Variants in MARCHF4 observed in about 807,000 individuals in gnomAD.
MARCHF4 encodes E3 ubiquitin-protein ligase MARCHF4.
A neutral mutation model predicts 43.9 loss-of-function variants in MARCHF4; 14 were observed. That is an observed-to-expected ratio of 0.32 (90% CI 0.21 to 0.50). MARCHF4 has a LOEUF of 0.50. MARCHF4 is among the 20% of genes least tolerant of loss of function. The probability of loss-of-function intolerance (pLI) is 0.98; values close to 1 mark genes in which losing one functional copy is unlikely to be tolerated. For synonymous variants in MARCHF4, 226 were observed against 213.3 expected, an observed-to-expected ratio of 1.06 and a Z score of -0.52; for missense variants, 468 against 536.7, an observed-to-expected ratio of 0.87 and a Z score of 1.27.
chr2:216,343,826 G>A (rs1018718612), intron 1 of MARCHF4, among the ~76,000 whole-genome samples: 3 of 152,300 alleles, frequency 2.0e-5, no homozygotes, highest in Middle Eastern at 3.4e-3. Context: ...ACTGAAGTCG[G>A]GGGACTTTGT....
intron 3 of MARCHF4, chr2:216,265,706 T>C (rs1690835520): frequency 6.6e-6 from 1 of 152,206 alleles, no homozygotes; most frequent in Admixed American, 6.5e-5. Context: ...TGTTGCAGAC[T>C]GATCTCAACT....
intron 3 of MARCHF4, among the ~76,000 whole-genome samples, chr2:216,272,374 G>A (rs370048708): frequency 4.6e-5 from 7 of 152,110 alleles, no homozygotes; most frequent in African/African-American, 1.4e-4. Flanking sequence ...CCTGAATATA[G>A]GACAGGAGCA....
chr2:216,318,089 A>T (rs1035888411), intron 1 of MARCHF4: 5 of 152,234 alleles, frequency 3.3e-5, no homozygotes, highest in African/African-American at 1.2e-4. Flanking sequence ...AGGAAGCTCG[A>T]TTCAAGTCAC....
intron 1 of MARCHF4, among the ~76,000 whole-genome samples, chr2:216,318,339 C>T (rs964619712): frequency 8.5e-5 from 13 of 152,184 alleles, no homozygotes; most frequent in African/African-American, 2.4e-4. Flanking sequence ...CTGTAGGGGA[C>T]GGGGATGTAG....
intron 1 of MARCHF4, among the ~76,000 whole-genome samples, chr2:216,343,969 T>G (rs996098151): frequency 6.6e-6 from 1 of 152,052 alleles, no homozygotes; most frequent in African/African-American, 2.4e-5. Context: ...CTAGTGAGAA[T>G]TGATCCAGTA....
intron 1 of MARCHF4, among the ~76,000 whole-genome samples, chr2:216,289,489 G>A (rs1691274202): frequency 6.6e-6 from 1 of 152,168 alleles, no homozygotes; most frequent in African/African-American, 2.4e-5. Context: ...TGGTTGAGGA[G>A]AAATTGTTTC....
chr2:216,309,460 G>A (rs918449721), intron 1 of MARCHF4, among the ~76,000 whole-genome samples: 3 of 152,094 alleles, frequency 2.0e-5, no homozygotes, highest in Non-Finnish European at 4.4e-5. Context: ...CGTGGTCCAC[G>A]TGAAGCTAAA....
intron 1 of MARCHF4, among the ~76,000 whole-genome samples, chr2:216,326,639 T>C (rs1222895986): frequency 6.6e-6 from 1 of 152,094 alleles, no homozygotes; most frequent in Non-Finnish European, 1.5e-5. Context: ...CCGTAAAAAA[T>C]GATGAGTTCA....
chr2:216,368,029 G>A (rs1345249957), intron 1 of MARCHF4, among the ~76,000 whole-genome samples: 1 of 152,282 alleles, frequency 6.6e-6, no homozygotes, highest in Non-Finnish European at 1.5e-5. Flanking sequence ...AGTTCACACA[G>A]TGGGGGAAAT....
rs146942464 is a variant in MARCHF4, at chr2:216,283,598, G to A, written c.648C>T (p.Ala216=). 29 of 1,608,616 alleles carry A rather than the reference G, an allele frequency of 1.8e-5. No individual in the cohort carries two copies. The African/African-American group carries it at 3.7e-4, about 21-fold the overall frequency. Residue 216 remains alanine, a synonymous_variant, in exon 2 of 4, where the codon GCC becomes GCT. Transcript: ENST00000273067. ...ELCYYKYHVI[A]ISTKNPLQWQ... ...CCTGCAGAGGATTTTTTGTGCTTAT[G>A]GCGATGACGTGGTACTTGTAGTAGC...
intron 1 of MARCHF4, among the ~76,000 whole-genome samples, chr2:216,324,299 G>T (rs1230171660): frequency 6.8e-6 from 1 of 146,574 alleles, no homozygotes; most frequent in Non-Finnish European, 1.5e-5. Context: ...CCAATAACAG[G>T]AGCTGAAATT....
chr2:216,363,466 G>A (rs1019599306), intron 1 of MARCHF4, among the ~76,000 whole-genome samples: 1 of 152,228 alleles, frequency 6.6e-6, no homozygotes, highest in African/African-American at 2.4e-5. Context: ...ACCTGTGAAA[G>A]AGCCTGTAAC....
chr2:216,290,187 G>A (rs191156286), intron 1 of MARCHF4, among the ~76,000 whole-genome samples: 23 of 152,300 alleles, frequency 1.5e-4, no homozygotes, highest in East Asian at 1.2e-3. Context: ...GAATAGAAAG[G>A]AGGGGGTGAG....
rs367620111 is a variant in MARCHF4, at chr2:216,306,631, AG to A, written c.517-22903del. Among the ~76,000 whole-genome samples the A allele has an allele frequency of 9.7e-3, 1,484 of 152,302 alleles. 18 individuals carry two copies. Among genetic ancestry groups the A allele is most frequent in the African/African-American group, 0.034 (1,415 of 41,552 alleles). On this transcript the variant is annotated intron_variant, in intron 1 of 3. Coordinates refer to ENST00000273067, the MANE Select transcript of MARCHF4 (RefSeq NM_020814.3). ...GAAGGTGTCCTGCCATATTATAGCA[AG>A]GGTACGTTACTAACTGCTCAGTATA...
chr2:216,305,253 G>GT (rs1230780966), intron 1 of MARCHF4, among the ~76,000 whole-genome samples: 9 of 152,214 alleles, frequency 5.9e-5, no homozygotes, highest in African/African-American at 2.2e-4. Context: ...GTCTGTATTG[G>GT]TGAGTCCGGT....
chr2:216,318,422 CA>C lies in MARCHF4; in HGVS notation c.517-34694del, dbSNP rs1691819874. Among the ~76,000 whole-genome samples, 3 of 152,172 alleles carry C rather than the reference CA, an allele frequency of 2.0e-5. No individual in the cohort carries two copies. In the South Asian group the frequency reaches 6.2e-4, roughly 32 times the overall value. ...GCAGGACAAGATAGACTTTAATAAA[CA>C]GGTAATTTCAAAATATATATGGGAG... On this transcript the variant is annotated intron_variant, in intron 1 of 3. Coordinates refer to ENST00000273067, the MANE Select transcript of MARCHF4 (RefSeq NM_020814.3).
intron 3 of MARCHF4, among the ~76,000 whole-genome samples, chr2:216,260,050 G>T (rs1026118151): frequency 6.6e-6 from 1 of 152,208 alleles, no homozygotes; most frequent in Non-Finnish European, 1.5e-5. Flanking sequence ...TGAATTGTGT[G>T]CTTTTAAAGC....
chr2:216,339,083 G>A (rs1031830193), intron 1 of MARCHF4, among the ~76,000 whole-genome samples: 7 of 152,158 alleles, frequency 4.6e-5, no homozygotes, highest in African/African-American at 1.4e-4. Context: ...TAAGAGAGGT[G>A]AGAGTTAGAA....
chr2:216,352,299 G>A (rs758291398), intron 1 of MARCHF4, among the ~76,000 whole-genome samples: 3 of 152,206 alleles, frequency 2.0e-5, no homozygotes, highest in African/African-American at 7.2e-5. Flanking sequence ...CCTGGTGGAA[G>A]CCAGGCTGGG....
Sources: gnomAD v4.1 joint callset for allele counts (sites outside exome capture counted in the v4.1 genomes callset) on GRCh38, gnomAD v4.1.1 for gene constraint, MANE v1.5 for transcripts, NCBI Gene and HGNC (gene_info 2026-07-23, HGNC 2026-07-21) for gene names.